Variants in SHISA9 observed in about 807,000 individuals in gnomAD.
The protein encoded by SHISA9 is shisa family member 9.
In SHISA9, 13 loss-of-function variants were observed where a neutral mutation model predicts 38.0. That is an observed-to-expected ratio of 0.34 (90% confidence interval 0.22 to 0.54). The LOEUF is 0.54. Among genes scored for constraint, SHISA9 ranks in the 20% least tolerant of loss-of-function variants. The probability of loss-of-function intolerance (pLI) is 0.91; values close to 1 mark genes in which losing one functional copy is unlikely to be tolerated. For missense variants in SHISA9, 538 were observed against 575.8 expected (o/e 0.93, Z 0.67); for synonymous variants, 275 against 242.0 (o/e 1.14, Z -1.27).
chr16:13,161,944 C>T (rs530612505), intron 2 of SHISA9, among the ~76,000 whole-genome samples: 242 of 152,256 alleles, frequency 1.6e-3, no homozygotes, highest in African/African-American at 5.6e-3. Flanking sequence ...TTTCTGCATC[C>T]ATTGAAATGA....
intron 2 of SHISA9, among the ~76,000 whole-genome samples, chr16:13,026,061 T>TCCCAAAGTGTTGGGATTACAGGCGTG (rs1449844000): frequency 6.6e-6 from 1 of 152,180 alleles, no homozygotes; most frequent in Non-Finnish European, 1.5e-5. Context: ...AGCCTCAGCC[T>TCCCAAAGTGTTGGGATTACAGGCGTG]CCCAAAGTGT....
chr16:13,089,895 T>C (rs903413401), intron 2 of SHISA9, among the ~76,000 whole-genome samples: 1 of 152,130 alleles, frequency 6.6e-6, no homozygotes, highest in African/African-American at 2.4e-5. Context: ...TGTGATGTTA[T>C]GGTGTCAATT....
chr16:13,036,503 G>A (rs1305993940), intron 2 of SHISA9, among the ~76,000 whole-genome samples: 1 of 152,156 alleles, frequency 6.6e-6, no homozygotes, highest in East Asian at 1.9e-4. Context: ...GAGATCTAAT[G>A]AGACTTTCTG....
chr16:13,446,842 C>A, the SHISA9 span, among the ~76,000 whole-genome samples: 1 of 151,732 alleles, frequency 6.6e-6, no homozygotes, highest in African/African-American at 2.4e-5. Flanking sequence ...TAGCCAGGCA[C>A]GCTGACACAT....
intron 2 of SHISA9, among the ~76,000 whole-genome samples, chr16:12,977,466 G>A (rs1440254702): frequency 6.6e-6 from 1 of 152,106 alleles, no homozygotes; most frequent in African/African-American, 2.4e-5. Context: ...CCATTACTGG[G>A]TATATACCCA....
At chr16:13,352,697 TAAG>T in the SHISA9 span, among the ~76,000 whole-genome samples, 2 of 129,018 alleles carry the variant, frequency 1.6e-5, no homozygotes, top group African/African-American at 3.3e-5. Context: ...CGAAGGGAGA[TAAG>T]GGGGGGGGGG....
intron 2 of SHISA9, among the ~76,000 whole-genome samples, chr16:13,099,283 A>G (rs6498380): frequency 0.2 from 30,928 of 152,026 alleles, 5,944 homozygotes; most frequent in African/African-American, 0.5. Context: ...ATGGGAAAAA[A>G]TGAACAACAC....
At chr16:13,041,258 G>C (rs987502377) in intron 2 of SHISA9, among the ~76,000 whole-genome samples, 1 of 152,176 alleles carries the variant, frequency 6.6e-6, no homozygotes, top group African/African-American at 2.4e-5. Flanking sequence ...CTGGGAAAAT[G>C]GAGACTGCTT....
chr16:12,932,959 A>G (rs2071481033), intron 2 of SHISA9, among the ~76,000 whole-genome samples: 1 of 152,206 alleles, frequency 6.6e-6, no homozygotes, highest in Non-Finnish European at 1.5e-5. Flanking sequence ...TATTTCTGCT[A>G]CAGATATAAT....
chr16:13,102,045 C>T (rs546533972), intron 2 of SHISA9, among the ~76,000 whole-genome samples: 1 of 152,314 alleles, frequency 6.6e-6, no homozygotes, highest in African/African-American at 2.4e-5. Context: ...TCCCTACTCA[C>T]CCAGCAGTTT....
chr16:13,007,748 ATCTT>A (rs1210803445), intron 2 of SHISA9, among the ~76,000 whole-genome samples: 4 of 152,206 alleles, frequency 2.6e-5, no homozygotes, highest in Non-Finnish European at 5.9e-5. Flanking sequence ...TTGCTTATGC[ATCTT>A]TCTTCTACGC....
chr16:13,356,959 C>G, the SHISA9 span, among the ~76,000 whole-genome samples: 1 of 152,068 alleles, frequency 6.6e-6, no homozygotes, highest in South Asian at 2.1e-4. Flanking sequence ...GGTTTTAGGT[C>G]AGGTGTGAGT....
At chr16:13,038,449 C>T (rs1426355503) in intron 2 of SHISA9, among the ~76,000 whole-genome samples, 2 of 152,218 alleles carry the variant, frequency 1.3e-5, no homozygotes, top group African/African-American at 4.8e-5. Flanking sequence ...GTCCCTGCAC[C>T]CCACTCTCCT....
At chr16:13,507,647 G>T in the SHISA9 span, among the ~76,000 whole-genome samples, 1 of 152,158 alleles carries the variant, frequency 6.6e-6, no homozygotes, top group Non-Finnish European at 1.5e-5. Flanking sequence ...TCTGAGTGTG[G>T]TTGAATTTAC....
chr16:12,977,146 C>T (rs2072173983), intron 2 of SHISA9, among the ~76,000 whole-genome samples: 1 of 152,176 alleles, frequency 6.6e-6, no homozygotes, highest in Admixed American at 6.5e-5. Context: ...TCTCTTCCCC[C>T]TGTCTTGGAG....
At chr16:13,354,998 CGA>C in the SHISA9 span, among the ~76,000 whole-genome samples, 2 of 142,148 alleles carry the variant, frequency 1.4e-5, no homozygotes, top group Admixed American at 7.0e-5. Flanking sequence ...CAAGTGAAAG[CGA>C]AGAGAGGCTG....
At chr16:13,109,657 A>G (rs369932032) in intron 2 of SHISA9, among the ~76,000 whole-genome samples, 3 of 152,304 alleles carry the variant, frequency 2.0e-5, no homozygotes, top group East Asian at 3.9e-4. Flanking sequence ...TGTCACCCCA[A>G]TAAGATCCTT....
chr16:12,982,609 A>G (rs2072254363), intron 2 of SHISA9, among the ~76,000 whole-genome samples: 1 of 152,204 alleles, frequency 6.6e-6, no homozygotes, highest in South Asian at 2.1e-4. Context: ...CCAACTCATC[A>G]TTCAGACTGG....
chr16:13,093,965 C>T (rs2073800983), intron 2 of SHISA9, among the ~76,000 whole-genome samples: 1 of 152,128 alleles, frequency 6.6e-6, no homozygotes, highest in Non-Finnish European at 1.5e-5. Context: ...CCTTTCCCAC[C>T]ATTCTGCCTG....
Sources: allele counts gnomAD v4.1 joint callset (sites outside exome capture counted in the v4.1 genomes callset), GRCh38; gene constraint gnomAD v4.1.1; transcripts MANE v1.5; gene names NCBI Gene and HGNC (gene_info 2026-07-23, HGNC 2026-07-21).